CD99: variants seen among roughly 807,000 people sequenced by gnomAD.
CD99 encodes the protein CD99 molecule (Xg blood group).
A neutral mutation model predicts 28.4 loss-of-function variants in CD99; 19 were observed. The observed-to-expected ratio is 0.67, with a 90% CI of 0.47 to 0.98. CD99 has a LOEUF of 0.98. Ranked by LOEUF, CD99 falls within the 50% of genes least tolerant of loss-of-function variation. The probability of loss-of-function intolerance (pLI) is 0.00; values close to 1 mark genes in which losing one functional copy is unlikely to be tolerated. For synonymous variants in CD99, 103 were observed against 92.1 expected, an observed-to-expected ratio of 1.12 and a Z score of -0.67; for missense variants, 283 against 248.8, an observed-to-expected ratio of 1.14 and a Z score of -0.92.
At chrX:2,737,943 G>A in intron 8 of CD99, 1 of 693,376 alleles carries the variant, frequency 1.4e-6, no homozygotes, top group Non-Finnish European at 2.7e-6. Flanking sequence ...TTAAAATAGA[G>A]GAAAATGAAG....
chrX:2,738,115 G>A (rs1461226129), intron 8 of CD99, 85 bp from the exon 9 acceptor site: 9 of 1,286,004 alleles, frequency 7.0e-6, no homozygotes, highest in Non-Finnish European at 9.1e-6. Flanking sequence ...TCGACCTCAG[G>A]AAAGCCCAAG....
intron 1 of CD99, among the ~76,000 whole-genome samples, chrX:2,712,447 A>G (rs2048452054): frequency 1.3e-5 from 2 of 152,128 alleles, no homozygotes; most frequent in South Asian, 4.1e-4. Flanking sequence ...AAAAAATACA[A>G]TTACAGATTT....
At chrX:2,727,365 G>A (rs1375284665) in intron 8 of CD99, 2 of 778,028 alleles carry the variant, frequency 2.6e-6, no homozygotes, top group Non-Finnish European at 4.8e-6. Context: ...CTGCTATTTG[G>A]AACACAGCTA....
At chrX:2,717,417 C>T in intron 2 of CD99, 188 bp from the exon 3 acceptor site, 2 of 594,788 alleles carry the variant, frequency 3.4e-6, no homozygotes, top group Admixed American at 3.0e-5. Context: ...GTAGCAGCCT[C>T]TGTGTCTGTC....
intron 3 of CD99, among the ~76,000 whole-genome samples, chrX:2,718,438 G>A (rs1249386932): frequency 6.7e-6 from 1 of 150,352 alleles, no homozygotes; most frequent in Non-Finnish European, 1.5e-5. Flanking sequence ...GCGCAATCTC[G>A]GCTCACTGCA....
chrX:2,701,027 A>G (rs1039630420), intron 1 of CD99, among the ~76,000 whole-genome samples: 1 of 149,856 alleles, frequency 6.7e-6, no homozygotes, highest in South Asian at 2.1e-4. Context: ...CCATCCATCC[A>G]CCTACCTACT....
At chrX:2,720,620 C>CTTTTTTTT (rs71281938) in intron 5 of CD99, among the ~76,000 whole-genome samples, 196 bp downstream of exon 5, 4 of 83,928 alleles carry the variant, frequency 4.8e-5, no homozygotes, top group African/African-American at 9.8e-5. Flanking sequence ...TTTTAGTTTG[C>CTTTTTTTT]TTTTTTTTTT....
At position 2,726,247 on chromosome X, in the gene CD99, C is replaced by G. The variant is rs774107022; in HGVS notation, c.362-13C>G. 2.6e-6 allele frequency: 4 copies of G among 1,560,890 alleles called. No homozygotes were observed. Among genetic ancestry groups the G allele is most frequent in the Non-Finnish European group, 3.5e-6 (4 of 1,133,334 alleles). ...CGTGTCTCAATCACGATGCTGTGTG[C>G]TTCCTCCTGCAGCCGACGCCCCAGG... On this transcript the variant is annotated splice_polypyrimidine_tract_variant and intron_variant, in intron 7 of 9. Transcript: ENST00000381192.
At chrX:2,727,370 C>T (rs766850274) in intron 8 of CD99, 1 of 777,350 alleles carries the variant, frequency 1.3e-6, no homozygotes, top group South Asian at 1.4e-5. Flanking sequence ...ATTTGGAACA[C>T]AGCTAACGTG....
In CD99 at chrX:2,714,419, T is replaced by C. The variant is rs759198919; in HGVS notation, c.68-3T>C. ...CTAAGTTGACTCTTTTTTTCTCTCT[T>C]AGATGGTGGTTTCGATTTATCCGAT... On this transcript the variant is annotated splice_region_variant and splice_polypyrimidine_tract_variant and intron_variant, in intron 1 of 9. Transcript: ENST00000381192. The C allele has an allele frequency of 5.0e-6, 8 of 1,595,590 alleles. No individual in the cohort carries two copies. In the Admixed American group the frequency reaches 5.0e-5, roughly 10 times the overall value.
chrX:2,704,760 CT>C (rs1278428140), intron 1 of CD99, among the ~76,000 whole-genome samples: 3 of 152,104 alleles, frequency 2.0e-5, no homozygotes, highest in African/African-American at 7.2e-5. Context: ...GTTGCCCAGG[CT>C]GGAGTGCCGT....
chrX:2,733,877 C>T (rs766280916), intron 8 of CD99, among the ~76,000 whole-genome samples: 1 of 152,354 alleles, frequency 6.6e-6, no homozygotes, highest in East Asian at 1.9e-4. Flanking sequence ...CACTGCACTT[C>T]CTATGAAGCA....
At chrX:2,704,671 C>A (rs2048034762) in intron 1 of CD99, among the ~76,000 whole-genome samples, 1 of 152,124 alleles carries the variant, frequency 6.6e-6, no homozygotes, top group Non-Finnish European at 1.5e-5. Flanking sequence ...GATCTGCCTG[C>A]CTCAACCTCC....
In CD99 at chrX:2,692,379, C is replaced by T. The variant is rs368551162; in HGVS notation, c.67+952C>T. ...GGGCTGGACGTATTTAGGAAGGAGA[C>T]GCGGGAACGCCCGGCCCTGGGGAGG... is the stretch of plus-strand genomic sequence containing the variant. On this transcript the variant is annotated intron_variant, in intron 1 of 9. Transcript: ENST00000381192. The T allele has an allele frequency of 5.6e-4, 95 of 169,532 alleles. 2 individuals carry two copies. Among genetic ancestry groups the T allele is most frequent in the African/African-American group, 2.1e-3 (87 of 41,668 alleles). The allele number at this position is 169,532 out of a possible 1,614,324, so 10.5% of individuals were successfully genotyped here.
chrX:2,701,207 G>A (rs185098278), intron 1 of CD99, among the ~76,000 whole-genome samples: 358 of 131,344 alleles, frequency 2.7e-3, no homozygotes, highest in African/African-American at 9.0e-3. Context: ...ACTCACCCAC[G>A]CATGCATCCA....
chrX:2,729,790 A>G (rs1354677884), intron 8 of CD99, among the ~76,000 whole-genome samples: 4 of 152,032 alleles, frequency 2.6e-5, no homozygotes, highest in African/African-American at 9.7e-5. Context: ...TTATTGCAGG[A>G]GGTGGGGCAG....
intron 1 of CD99, chrX:2,691,931 G>C (rs762424753): frequency 1.3e-6 from 1 of 777,124 alleles, no homozygotes; most frequent in Non-Finnish European, 2.4e-6. Context: ...GGAAAAGTTA[G>C]AAAAAAACTT....
intron 1 of CD99, among the ~76,000 whole-genome samples, chrX:2,704,208 G>T (rs1172716781): frequency 1.3e-5 from 2 of 152,162 alleles, no homozygotes; most frequent in Non-Finnish European, 2.9e-5. Flanking sequence ...ACTTGGCGTA[G>T]CTCAGGGGAC....
At chrX:2,703,112 A>C (rs1291169902) in intron 1 of CD99, among the ~76,000 whole-genome samples, 1 of 152,066 alleles carries the variant, frequency 6.6e-6, no homozygotes. Context: ...TCAATAGCAC[A>C]TGTTCTCAGC....
Sources: gnomAD v4.1 joint callset for allele counts (sites outside exome capture counted in the v4.1 genomes callset) on GRCh38, gnomAD v4.1.1 for gene constraint, MANE v1.5 for transcripts, NCBI Gene and HGNC (gene_info 2026-07-23, HGNC 2026-07-21) for gene names.